The following ROR1 variants were observed in gnomAD, a reference collection of about 807,000 sequenced individuals.
ROR1 encodes the protein inactive tyrosine-protein kinase transmembrane receptor ROR1.
In ROR1, 19 loss-of-function variants were observed where a neutral mutation model predicts 78.8. The ratio of observed to expected loss-of-function variants is 0.24; its 90% CI spans 0.17 to 0.35. The LOEUF is 0.35. Among genes scored for constraint, ROR1 ranks in the 10% least tolerant of loss-of-function variants. The probability of loss-of-function intolerance (pLI) is 1.00; values close to 1 mark genes in which losing one functional copy is unlikely to be tolerated. For synonymous variants in ROR1, 386 were observed against 433.6 expected, an observed-to-expected ratio of 0.89 and a Z score of 1.36; for missense variants, 917 against 1,177.8, an observed-to-expected ratio of 0.78 and a Z score of 3.24.
intron 1 of ROR1, among the ~76,000 whole-genome samples, chr1:63,959,911 C>T (rs1318891544): frequency 6.6e-6 from 1 of 152,152 alleles, no homozygotes; most frequent in Non-Finnish European, 1.5e-5. Flanking sequence ...ACTTCTTCTG[C>T]AGCCCATTCC....
intron 1 of ROR1, among the ~76,000 whole-genome samples, chr1:63,827,868 G>C (rs1170444333): frequency 6.6e-6 from 1 of 152,098 alleles, no homozygotes; most frequent in Non-Finnish European, 1.5e-5. Context: ...TGCACCTAGA[G>C]AACACAGAAT....
chr1:63,878,990 A>G (rs1483500069), intron 1 of ROR1, among the ~76,000 whole-genome samples: 1 of 152,114 alleles, frequency 6.6e-6, no homozygotes, highest in Non-Finnish European at 1.5e-5. Context: ...AAGGGTTTGA[A>G]ACCCCAACTA....
intron 1 of ROR1, among the ~76,000 whole-genome samples, chr1:63,939,904 C>G (rs1645822860): frequency 6.6e-6 from 1 of 152,160 alleles, no homozygotes; most frequent in South Asian, 2.1e-4. Flanking sequence ...CAAGTACTTT[C>G]TCAGTTACCA....
At chr1:63,958,818 G>A (rs1260878) in intron 1 of ROR1, among the ~76,000 whole-genome samples, 152,160 of 152,290 alleles carry the variant, frequency 1, 76,015 homozygotes, top group Non-Finnish European at 1. Flanking sequence ...AATGAAGCAT[G>A]TGTCAGCTAT....
At chr1:63,883,360 C>A (rs1214855970) in intron 1 of ROR1, among the ~76,000 whole-genome samples, 1 of 139,026 alleles carries the variant, frequency 7.2e-6, no homozygotes, top group East Asian at 2.2e-4. Flanking sequence ...ACAGTGGAGC[C>A]TTTCTATCCC....
intron 4 of ROR1, among the ~76,000 whole-genome samples, chr1:64,084,898 A>G (rs1569713836): frequency 1.3e-5 from 2 of 152,144 alleles, no homozygotes; most frequent in East Asian, 3.9e-4. Flanking sequence ...GTTTTATTCC[A>G]GCCCTGGCAG....
At chr1:63,983,287 T>C (rs1324694414) in intron 1 of ROR1, among the ~76,000 whole-genome samples, 1 of 152,230 alleles carries the variant, frequency 6.6e-6, no homozygotes, top group African/African-American at 2.4e-5. Context: ...TAAGACTTTT[T>C]TATTCTTTAC....
chr1:63,780,599 G>A (rs1644645369), intron 1 of ROR1, among the ~76,000 whole-genome samples: 1 of 152,138 alleles, frequency 6.6e-6, no homozygotes, highest in African/African-American at 2.4e-5. Context: ...CTGCTGCAAG[G>A]TAGCAACCAA....
At chr1:63,807,085 T>A (rs542467275) in intron 1 of ROR1, among the ~76,000 whole-genome samples, 2 of 152,308 alleles carry the variant, frequency 1.3e-5, no homozygotes, top group East Asian at 3.9e-4. Flanking sequence ...GGAGGGACTT[T>A]TGAGAGCATC....
intron 4 of ROR1, among the ~76,000 whole-genome samples, chr1:64,100,848 A>G (rs1428770608): frequency 6.6e-6 from 1 of 152,184 alleles, no homozygotes; most frequent in Non-Finnish European, 1.5e-5. Flanking sequence ...GTGTAATTCA[A>G]CCCATGTAAG....
At chr1:64,011,360 T>G (rs1177295419) in intron 2 of ROR1, among the ~76,000 whole-genome samples, 1 of 152,242 alleles carries the variant, frequency 6.6e-6, no homozygotes, top group East Asian at 1.9e-4. Flanking sequence ...ACCTGCTCTG[T>G]GCCAGGCACT....
intron 7 of ROR1, among the ~76,000 whole-genome samples, chr1:64,157,892 G>T (rs1649818803): frequency 6.6e-6 from 1 of 152,200 alleles, no homozygotes; most frequent in Non-Finnish European, 1.5e-5. Context: ...TTGAATGAAT[G>T]CATGGTTAAT....
At chr1:63,843,143 G>C in intron 1 of ROR1, 3 of 826,366 alleles carry the variant, frequency 3.6e-6, no homozygotes, top group Non-Finnish European at 6.1e-6. Flanking sequence ...AACCCCCGAG[G>C]GCAGATGTGG....
rs915359878 is a variant in ROR1 at position 64,110,781 on chromosome 1, G to A, written c.483-26588G>A. The A allele has an allele frequency of 4.1e-4, 62 of 152,134 alleles. 1 individual carries two copies. The highest frequency in any genetic ancestry group is 1.4e-3 in the Admixed American group (21 of 15,256). The allele number at this position is 152,134 out of a possible 1,614,324, so 9.4% of individuals were successfully genotyped here. On this transcript the variant is annotated intron_variant, in intron 4 of 8. Transcript: ENST00000371079. ...GTATCTTGGAAGCAGAATGCAGGAT[G>A]GTGCTGGAGGGGCTGAGAGTAGGTA...
At chr1:64,140,519 T>C in intron 6 of ROR1, 93 bp downstream of exon 6, 1 of 1,177,130 alleles carries the variant, frequency 8.5e-7, no homozygotes, top group Non-Finnish European at 1.2e-6. Context: ...GTGATTTTCA[T>C]ACTGTTAATC....
intron 1 of ROR1, among the ~76,000 whole-genome samples, chr1:63,944,651 T>C (rs1645869904): frequency 6.6e-6 from 1 of 152,216 alleles, no homozygotes; most frequent in Admixed American, 6.5e-5. Flanking sequence ...TAATCATTTT[T>C]CTTCTATCCT....
chr1:64,152,546 A>C (rs577508758), intron 7 of ROR1, among the ~76,000 whole-genome samples: 17 of 152,316 alleles, frequency 1.1e-4, no homozygotes, highest in Admixed American at 1.0e-3. Flanking sequence ...AGTAAAACTT[A>C]TTAGTAATCT....
intron 4 of ROR1, among the ~76,000 whole-genome samples, chr1:64,118,759 C>T (rs746583172): frequency 4.6e-5 from 7 of 151,666 alleles, no homozygotes; most frequent in Non-Finnish European, 7.4e-5. Flanking sequence ...GTTAACAACA[C>T]CCAGTTAACA....
At chr1:63,911,159 G>A (rs1645566686) in intron 1 of ROR1, among the ~76,000 whole-genome samples, 1 of 152,118 alleles carries the variant, frequency 6.6e-6, no homozygotes, top group Admixed American at 6.5e-5. Context: ...GAGGAGCCTT[G>A]TAGAATAACC....
Sources: allele counts gnomAD v4.1 joint callset (sites outside exome capture counted in the v4.1 genomes callset), GRCh38; gene constraint gnomAD v4.1.1; transcripts MANE v1.5; gene names NCBI Gene and HGNC (gene_info 2026-07-23, HGNC 2026-07-21).